KRTCAP3: variants seen among roughly 807,000 people sequenced by gnomAD.
KRTCAP3 encodes the protein keratinocyte-associated protein 3.
In KRTCAP3, 18 loss-of-function variants were observed where a neutral mutation model predicts 20.5. That is an observed-to-expected ratio of 0.88 (90% confidence interval 0.61 to 1.31). The LOEUF (loss-of-function observed/expected upper bound fraction) is 1.31. KRTCAP3 is among the 50% of genes most tolerant of loss of function. KRTCAP3 has a pLI of 0.00. For missense variants in KRTCAP3, 347 were observed against 310.4 expected (o/e 1.12, Z -0.89); for synonymous variants, 167 against 133.7 (o/e 1.25, Z -1.72).
rs781428661 is a variant in KRTCAP3 at position 27,442,890 on chromosome 2, C to A, written c.262C>A (p.Arg88Ser). The A allele has an allele frequency of 1.7e-5, 27 of 1,613,020 alleles. No individual in the cohort carries two copies. The highest frequency in any genetic ancestry group is 2.2e-5 in the Non-Finnish European group (26 of 1,180,022). The change falls in exon 3 of 7, where the codon CGC becomes AGC. Residue 88 changes from arginine (R) to serine (S), a missense_variant. Coordinates refer to ENST00000288873, the MANE Select transcript of KRTCAP3 (RefSeq NM_173853.4). ...VALLASRNLLRPPLHWVLLAL... is the reference protein window; with the variant it reads ...VALLASRNLLSPPLHWVLLAL... ...CCTCCTGGCGTCCAGGAACCTTCTT[C>A]GCCCTCCACTGGTGAGAGGGACTTC...
At chr2:27,443,800 C>T (rs1279210656) in intron 5 of KRTCAP3, 149 bp from the exon 6 acceptor site, 13 of 629,860 alleles carry the variant, frequency 2.1e-5, no homozygotes, top group African/African-American at 5.5e-5. Flanking sequence ...CGCTTGAACC[C>T]GGAAGGCGGA....
chr2:27,446,178 C>T, downstream of KRTCAP3: 2 of 1,444,500 alleles, frequency 1.4e-6, no homozygotes, highest in South Asian at 2.3e-5. Context: ...CTCAGCTTTC[C>T]TCTACCAGAG....
At chr2:27,444,597 G>A, downstream of KRTCAP3, 1 of 1,138,256 alleles carries the variant, frequency 8.8e-7, no homozygotes, top group Admixed American at 1.9e-5. Context: ...GCAGGCTTCA[G>A]GGTCTGCATC....
chr2:27,443,209 C>T lies in KRTCAP3; in HGVS notation c.409C>T (p.Leu137=). The T allele has an allele frequency of 6.2e-7, 1 of 1,614,180 alleles. No individual in the cohort carries two copies. ...TATTGCTGACTGCCACCCAGGACTG[C>T]TGGATCCTCTGGTACCACTGGATGA... is the stretch of plus-strand genomic sequence containing the variant. The part of the protein sequence containing the change: ...RLIADCHPGL[L]DPLVPLDEGP... Residue 137 remains leucine (L), a synonymous_variant, in exon 4 of 7, where the codon CTG becomes TTG. Coordinates refer to ENST00000288873, the MANE Select transcript of KRTCAP3 (RefSeq NM_173853.4).
At chr2:27,444,651 T>C (rs1332064001), downstream of KRTCAP3, 3 of 686,030 alleles carry the variant, frequency 4.4e-6, no homozygotes, top group African/African-American at 3.6e-5. Context: ...TGTATGTGGG[T>C]TTTTTGTTTG....
At chr2:27,445,921 C>G (rs1198973705), downstream of KRTCAP3, 5 of 1,614,110 alleles carry the variant, frequency 3.1e-6, no homozygotes, top group South Asian at 1.1e-5. The surrounding 1 kb of genome is among the most constrained non-coding windows in gnomAD (Gnocchi z 4.4). Context: ...CACAGCTTCC[C>G]TACTCACATC....
chr2:27,445,014 C>T (rs751766272), downstream of KRTCAP3: 1 of 1,613,944 alleles, frequency 6.2e-7, no homozygotes, highest in Non-Finnish European at 8.5e-7. The surrounding 1 kb of genome is among the most constrained non-coding windows in gnomAD (Gnocchi z 4.4). Flanking sequence ...CCTCTCTAAC[C>T]TTGATGGCCA....
In KRTCAP3 at chr2:27,442,906, G is replaced by C; in HGVS notation, c.273+5G>C. 1 of 1,613,306 alleles carries C rather than the reference G, an allele frequency of 6.2e-7. No homozygotes were observed. Among genetic ancestry groups the C allele is most frequent in the Non-Finnish European group, 8.5e-7 (1 of 1,179,982 alleles). On this transcript the variant is annotated splice_donor_5th_base_variant and intron_variant, in intron 3 of 6. Coordinates refer to ENST00000288873, the MANE Select transcript of KRTCAP3 (RefSeq NM_173853.4). ...AACCTTCTTCGCCCTCCACTGGTGA[G>C]AGGGACTTCCCTGGAGCTTTTAACG...
downstream of KRTCAP3, chr2:27,444,569 T>C (rs781020503): frequency 4.8e-6 from 7 of 1,459,396 alleles, no homozygotes; most frequent in South Asian, 7.0e-5. Context: ...ATGCTGGAAA[T>C]ACAAAATCAG....
At chr2:27,443,586 A>C in intron 5 of KRTCAP3, 54 bp downstream of exon 5, 1 of 1,604,768 alleles carries the variant, frequency 6.2e-7, no homozygotes. Flanking sequence ...TGTGTTGAAA[A>C]GATGCTGACC....
chr2:27,446,424 T>TA, downstream of KRTCAP3: 7 of 1,347,660 alleles, frequency 5.2e-6, no homozygotes, highest in Non-Finnish European at 7.4e-6. Flanking sequence ...AATGATCCTG[T>TA]AAGGCAGCCA....
downstream of KRTCAP3, chr2:27,445,176 G>T (rs931222015): frequency 6.3e-7 from 1 of 1,596,746 alleles, no homozygotes; most frequent in Non-Finnish European, 8.6e-7. This position sits in a 1 kb window ranked among gnomAD's most constrained non-coding sequence, Gnocchi z 4.4. Flanking sequence ...GGAGCAGCCT[G>T]GGGGGTAGAA....
In KRTCAP3 at chr2:27,443,440, G is replaced by T. The variant is rs777436142; in HGVS notation, c.523G>T (p.Ala175Ser). The T allele has an allele frequency of 3.7e-6, 6 of 1,614,142 alleles. No individual in the cohort carries two copies. Among genetic ancestry groups the T allele is most frequent in the Non-Finnish European group, 5.1e-6 (6 of 1,180,036 alleles). The change falls in exon 5 of 7, where the codon GCA (alanine) becomes TCA (serine). Residue 175 changes from alanine to serine, a missense_variant. Physicochemically the swap from Ala to Ser is moderately conservative, Grantham distance 99 (BLOSUM62 1). Coordinates refer to ENST00000288873, the MANE Select transcript of KRTCAP3 (RefSeq NM_173853.4). ...ALWIPSLLMS[A>S]GEAALSGYCC... is the part of the protein sequence containing the mutation. Reference sequence around the variant, plus strand: ...CTGGATCCCTTCTTTGCTCATGTCTGCAGGGGAGGCTGCTCTATCTGGTTA... The same window carrying T: ...CTGGATCCCTTCTTTGCTCATGTCTTCAGGGGAGGCTGCTCTATCTGGTTA...
rs759975304 is a variant in KRTCAP3 at position 27,442,626 on chromosome 2, A to ATC, written c.78_79dup (p.Leu27SerfsTer6). On this transcript the variant is annotated frameshift_variant, in exon 2 of 7. Coordinates refer to ENST00000288873, the MANE Select transcript of KRTCAP3 (RefSeq NM_173853.4). LOFTEE classifies it high-confidence loss of function. Reference sequence around the variant, plus strand: ...GCTGATGCGTGTGGGCCTCGCGCTGATCTTGGTGGGCCACGTGAACCTGCT... The same window carrying ATC: ...GCTGATGCGTGTGGGCCTCGCGCTGATCTCTTGGTGGGCCACGTGAACCTGCT... 9.5e-6 allele frequency: 15 copies of ATC among 1,571,130 alleles called. No individual in the cohort carries two copies. Among genetic ancestry groups the ATC allele is most frequent in the Non-Finnish European group, 1.2e-5 (14 of 1,159,576 alleles).
chr2:27,443,139 C>CAAGA lies in KRTCAP3; in HGVS notation c.339_340insAAGA (p.Leu114LysfsTer19). 6.2e-7 allele frequency: 1 copy of CAAGA among 1,614,112 alleles called. No homozygotes were observed. ...TGTCCGTTGCCTGCTCCCTGGGCCT[C>CAAGA]CTTCTTGCTGTGTCACTCACTGTGG... On this transcript the variant is annotated frameshift_variant, in exon 4 of 7. Coordinates refer to ENST00000288873, the MANE Select transcript of KRTCAP3 (RefSeq NM_173853.4). LOFTEE classifies it high-confidence loss of function.
downstream of KRTCAP3, chr2:27,444,487 T>G: frequency 6.2e-7 from 1 of 1,613,700 alleles, no homozygotes; most frequent in Non-Finnish European, 8.5e-7. Flanking sequence ...ACTGATGAAT[T>G]TCAGCACGTC....
chr2:27,442,385 C>T lies in KRTCAP3; in HGVS notation c.-28C>T, dbSNP rs1158878169. On this transcript the variant is annotated 5_prime_UTR_variant, in exon 1 of 7. Transcript: ENST00000288873. ...GGGGCGGGGCCGGGCCCAGGTACAG[C>T]GGCCCTGCGGCTGGCGCGGCGGACG... 5.2e-6 allele frequency: 8 copies of T among 1,544,716 alleles called. No homozygotes were observed. The highest frequency in any genetic ancestry group is 2.2e-4 in the Middle Eastern group (1 of 4,648).
intron 6 of KRTCAP3, 34 bp from the exon 7 acceptor site, chr2:27,444,152 C>A: frequency 1.2e-6 from 1 of 811,720 alleles, no homozygotes; most frequent in South Asian, 1.5e-5. Flanking sequence ...GCTGCTTTCC[C>A]CTCTGACCTG....
rs574302748 is a variant in KRTCAP3 at position 27,443,606 on chromosome 2, C to T, written c.615+74C>T. On this transcript the variant is annotated intron_variant, in intron 5 of 6. Transcript: ENST00000288873. ...TGAAAAGATGCTGACCGGCCGGGTG[C>T]GGAGGCTCACACCTGTAATCCCAGC... 1,298 of 1,522,576 alleles carry T rather than the reference C, an allele frequency of 8.5e-4. 16 individuals carry two copies. The South Asian group carries it at 0.013, about 16-fold the overall frequency. 94.3% of individuals were successfully genotyped at this position (1,522,576 alleles called of 1,614,324 possible). A position where few individuals can be genotyped will look rare whatever the true frequency, so the allele number is the denominator to read the frequency against.
Sources: gnomAD v4.1 joint callset for allele counts on GRCh38, gnomAD v4.1.1 for gene constraint, Gnocchi (gnomAD v3.1) non-coding constraint, MANE v1.5 for transcripts, NCBI Gene and HGNC (gene_info 2026-07-23, HGNC 2026-07-21) for gene names.